Variants in TENM3 observed in about 807,000 individuals in gnomAD.
TENM3 encodes teneurin-3.
Under a neutral mutation model 255.1 loss-of-function variants are expected in TENM3, and 63 were observed. The ratio of observed to expected loss-of-function variants is 0.25; its 90% confidence interval spans 0.20 to 0.30. The LOEUF is 0.30. Among genes scored for constraint, TENM3 ranks in the 10% least tolerant of loss-of-function variants. The pLI is 1.00. For missense variants in TENM3, 2,929 were observed against 3,461.1 expected, an observed-to-expected ratio of 0.85 and a Z score of 3.86; for synonymous variants, 1,306 against 1,322.3, an observed-to-expected ratio of 0.99 and a Z score of 0.27.
At chr4:181,644,827 C>T in the TENM3 span, among the ~76,000 whole-genome samples, 1 of 152,098 alleles carries the variant, frequency 6.6e-6, no homozygotes, top group Admixed American at 6.6e-5. Context: ...ATTTTAAGAG[C>T]CCTGGAATGT....
In TENM3 at chr4:182,233,931, T is replaced by A. The variant is rs377483134; in HGVS notation, c.-76+89177T>A. ...TGGTTTTCTCTTGGTTAAGTCACTC[T>A]TTACGCCTTTCGGCTTTTCCAGCTT... On this transcript the variant is annotated intron_variant, in intron 1 of 2. Coordinates refer to the TENM3 transcript ENST00000512480. Among the ~76,000 whole-genome samples the A allele has an allele frequency of 2.2e-4, 34 of 152,366 alleles. No homozygotes were observed. The East Asian group carries it at 2.9e-3, about 13-fold the overall frequency.
chr4:182,246,088 C>A (rs893675061), intron 1 of TENM3, among the ~76,000 whole-genome samples: 5 of 152,094 alleles, frequency 3.3e-5, no homozygotes, highest in Non-Finnish European at 4.4e-5. Flanking sequence ...AGGCAGCAAC[C>A]GCTATGGCAG....
At chr4:182,583,053 A>G (rs1461176101) in intron 3 of TENM3, among the ~76,000 whole-genome samples, 1 of 152,188 alleles carries the variant, frequency 6.6e-6, no homozygotes, top group East Asian at 1.9e-4. Flanking sequence ...TAATATTTTT[A>G]TTCTCCTTCG....
chr4:181,935,719 T>G, the TENM3 span, among the ~76,000 whole-genome samples: 78 of 152,274 alleles, frequency 5.1e-4, 1 homozygote, highest in African/African-American at 1.8e-3. Flanking sequence ...CCCAGTGGTC[T>G]GCAAAACTCT....
intron 2 of TENM3, among the ~76,000 whole-genome samples, chr4:182,340,847 A>G (rs1034786197): frequency 2.0e-5 from 3 of 152,234 alleles, no homozygotes; most frequent in Admixed American, 1.3e-4. Flanking sequence ...CTGAGAAGAA[A>G]TAATTCCATT....
At chr4:181,727,915 A>T in the TENM3 span, among the ~76,000 whole-genome samples, 1 of 152,330 alleles carries the variant, frequency 6.6e-6, no homozygotes, top group East Asian at 1.9e-4. Context: ...CTATGCCTTA[A>T]TTTGGTGGGT....
intron 6 of TENM3, among the ~76,000 whole-genome samples, chr4:182,669,626 C>T (rs1027065422): frequency 2.0e-5 from 3 of 152,022 alleles, no homozygotes; most frequent in African/African-American, 7.2e-5. Context: ...TAAGTATAAA[C>T]TTTATGTCCT....
chr4:182,131,186 A>T, the TENM3 span, among the ~76,000 whole-genome samples: 4 of 152,148 alleles, frequency 2.6e-5, no homozygotes. Context: ...ACAGACAAAG[A>T]GATTGCTTTC....
At chr4:182,750,734 A>G (rs1054421271) in intron 19 of TENM3, among the ~76,000 whole-genome samples, 2 of 152,068 alleles carry the variant, frequency 1.3e-5, no homozygotes, top group Non-Finnish European at 2.9e-5. Flanking sequence ...GGAAAGAGGG[A>G]GAGGAAGAGA....
At chr4:181,801,648 TAA>T in the TENM3 span, among the ~76,000 whole-genome samples, 171 of 86,368 alleles carry the variant, frequency 2.0e-3, 2 homozygotes, top group South Asian at 0.011. Context: ...TAAAGAATTG[TAA>T]AATATATATA....
chr4:181,698,762 C>G, the TENM3 span, among the ~76,000 whole-genome samples: 1 of 152,202 alleles, frequency 6.6e-6, no homozygotes, highest in South Asian at 2.1e-4. Flanking sequence ...AAGTGCCTTG[C>G]GATTCTAGAC....
the TENM3 span, among the ~76,000 whole-genome samples, chr4:181,597,103 T>G: frequency 6.6e-6 from 1 of 152,222 alleles, no homozygotes; most frequent in Non-Finnish European, 1.5e-5. Flanking sequence ...TACAGTTGTA[T>G]TCAACCATTG....
At chr4:181,882,956 T>G in the TENM3 span, among the ~76,000 whole-genome samples, 1 of 152,252 alleles carries the variant, frequency 6.6e-6, no homozygotes, top group Admixed American at 6.5e-5. Context: ...ATTGTCAAAT[T>G]AACAGCAGCC....
At chr4:182,072,662 A>T in the TENM3 span, among the ~76,000 whole-genome samples, 2 of 152,334 alleles carry the variant, frequency 1.3e-5, no homozygotes, top group South Asian at 4.1e-4. Context: ...CATCAAACGT[A>T]TCATGAGGCC....
At chr4:181,556,753 C>T in the TENM3 span, among the ~76,000 whole-genome samples, 1 of 152,076 alleles carries the variant, frequency 6.6e-6, no homozygotes, top group Admixed American at 6.6e-5. Context: ...TTATTCTTTC[C>T]TCAGTGGGTC....
At chr4:182,318,770 A>G (rs1762886083) in intron 1 of TENM3, among the ~76,000 whole-genome samples, 1 of 151,966 alleles carries the variant, frequency 6.6e-6, no homozygotes, top group Non-Finnish European at 1.5e-5. Flanking sequence ...GAAGTTTTTT[A>G]TCTGTTTTGT....
the TENM3 span, among the ~76,000 whole-genome samples, chr4:181,953,510 C>A: frequency 6.6e-6 from 1 of 151,942 alleles, no homozygotes; most frequent in African/African-American, 2.4e-5. Context: ...AACAAAACAC[C>A]ACCAGCTCAT....
intron 12 of TENM3, among the ~76,000 whole-genome samples, chr4:182,706,016 G>A (rs957658350): frequency 9.2e-5 from 14 of 152,020 alleles, no homozygotes; most frequent in African/African-American, 3.4e-4. Flanking sequence ...AAATTCATTC[G>A]GGTTTTAAGC....
At chr4:181,919,884 T>G in the TENM3 span, among the ~76,000 whole-genome samples, 2 of 50,786 alleles carry the variant, frequency 3.9e-5, no homozygotes, top group African/African-American at 1.6e-4. Flanking sequence ...CCCTCCCCCC[T>G]CCCCCCACCC....
Sources: gnomAD v4.1 joint callset for allele counts (sites outside exome capture counted in the v4.1 genomes callset) on GRCh38, gnomAD v4.1.1 for gene constraint, MANE v1.5 for transcripts, NCBI Gene and HGNC (gene_info 2026-07-23, HGNC 2026-07-21) for gene names.